The following GTF2A1 variants were observed in gnomAD, a reference collection of about 807,000 sequenced individuals.
GTF2A1 encodes transcription initiation factor IIA subunit 1.
A neutral mutation model predicts 54.1 loss-of-function variants in GTF2A1; 12 were observed. The observed-to-expected ratio is 0.22, with a 90% CI of 0.14 to 0.36. The LOEUF is 0.36. GTF2A1 is among the 10% of genes least tolerant of loss of function. GTF2A1 has a pLI of 1.00. For synonymous variants in GTF2A1, 145 were observed against 152.0 expected, an observed-to-expected ratio of 0.95 and a Z score of 0.34; for missense variants, 335 against 442.2, an observed-to-expected ratio of 0.76 and a Z score of 2.17.
chr14:81,221,139 C>T (rs1050736674), upstream of GTF2A1: 5 of 152,292 alleles, frequency 3.3e-5, no homozygotes, highest in Non-Finnish European at 5.9e-5. Flanking sequence ...GTAGTGAAAT[C>T]GGACCTACGC....
intron 8 of GTF2A1, 97 bp from the exon 9 acceptor site, chr14:81,180,427 AC>A (rs967931848): frequency 1.3e-5 from 8 of 630,136 alleles, no homozygotes; most frequent in South Asian, 3.8e-5. Flanking sequence ...GTACACACAC[AC>A]CCCCCCACAA....
At chr14:81,182,610 C>T (rs1393205809) in intron 8 of GTF2A1, among the ~76,000 whole-genome samples, 1 of 152,002 alleles carries the variant, frequency 6.6e-6, no homozygotes, top group Non-Finnish European at 1.5e-5. Context: ...TTATAATATC[C>T]CCCTAAATAG....
chr14:81,194,921 TC>T (rs1892956860), intron 6 of GTF2A1, among the ~76,000 whole-genome samples: 1 of 152,026 alleles, frequency 6.6e-6, no homozygotes, highest in Non-Finnish European at 1.5e-5. Flanking sequence ...AGCGGGCAGA[TC>T]ACCTGAAGTC....
At chr14:81,186,792 T>TA (rs1391709595) in intron 7 of GTF2A1, among the ~76,000 whole-genome samples, 2 of 151,404 alleles carry the variant, frequency 1.3e-5, no homozygotes, top group Non-Finnish European at 2.9e-5. Flanking sequence ...CTACAAAAAA[T>TA]AAAAAAAATT....
At chr14:81,201,561 C>G (rs747547438) in intron 4 of GTF2A1, 33 bp downstream of exon 4, 1 of 1,274,894 alleles carries the variant, frequency 7.8e-7, no homozygotes, top group African/African-American at 1.5e-5. Context: ...GAATTAAGTA[C>G]AGCCAATCAA....
At chr14:81,195,356 G>A (rs148832683) in intron 6 of GTF2A1, among the ~76,000 whole-genome samples, 4,547 of 150,012 alleles carry the variant, frequency 0.03, 97 homozygotes, top group East Asian at 0.053. Context: ...AAAAAAGGCC[G>A]GGCGCAGTGG....
chr14:81,209,843 TA>T, intron 2 of GTF2A1: 1 of 1,018,778 alleles, frequency 9.8e-7, no homozygotes. Flanking sequence ...CCTCCATGCA[TA>T]AAAGACATTT....
At chr14:81,202,765 T>C in intron 3 of GTF2A1, 1 of 518,328 alleles carries the variant, frequency 1.9e-6, no homozygotes, top group Non-Finnish European at 3.8e-6. Flanking sequence ...GTGAAGAAAA[T>C]CAAATTTTAA....
In GTF2A1 at chr14:81,176,516, T is replaced by C. The variant is rs966719107; in HGVS notation, c.*3707A>G. On this transcript the variant is annotated 3_prime_UTR_variant, in exon 9 of 9. Transcript: ENST00000553612. ...CTTCCCTTAAAAGAGAAAAGTTTTT[T>C]TGTTCCTCAAAATAAACAAAAATGT... 2 of 152,174 alleles carry C rather than the reference T, an allele frequency of 1.3e-5. No homozygotes were observed. The highest frequency in any genetic ancestry group is 2.9e-5 in the Non-Finnish European group (2 of 68,006). 9.4% of individuals were successfully genotyped at this position (152,174 alleles called of 1,614,324 possible).
intron 7 of GTF2A1, among the ~76,000 whole-genome samples, chr14:81,190,116 A>G (rs1892843893): frequency 6.6e-6 from 1 of 152,182 alleles, no homozygotes. Flanking sequence ...TTGAAAATTT[A>G]GATAAATATA....
intron 8 of GTF2A1, 132 bp downstream of exon 8, chr14:81,185,398 GT>G (rs3214570): frequency 0.062 from 32,913 of 527,540 alleles, 2,769 homozygotes; most frequent in African/African-American, 0.3. Flanking sequence ...CTCTAACAGG[GT>G]TTTCGTACTA....
intron 1 of GTF2A1, among the ~76,000 whole-genome samples, chr14:81,219,334 C>A (rs1347804211): frequency 6.6e-6 from 1 of 152,220 alleles, no homozygotes; most frequent in African/African-American, 2.4e-5. Context: ...CGGGAGCACG[C>A]ACCTCCCAGC....
chr14:81,213,507 C>T (rs1337998368), intron 2 of GTF2A1, among the ~76,000 whole-genome samples: 1 of 152,112 alleles, frequency 6.6e-6, no homozygotes, highest in Non-Finnish European at 1.5e-5. Context: ...CCTAAAAATG[C>T]TGCATCTTCT....
Position 81,192,742 on chromosome 14 carries a change from G to C in GTF2A1, c.710C>G (p.Pro237Arg), listed in dbSNP as rs1232874185. The change falls in exon 7 of 9, where the codon CCT becomes CGT. Residue 237 changes from proline to arginine, a missense_variant. Pro to Arg is a moderately radical substitution (Grantham distance 103, BLOSUM62 -2). Around this residue, in one of 2 missense-constraint regions of GTF2A1, gnomAD observed 306 missense variants for 360.4 expected, o/e 0.85. Coordinates refer to ENST00000553612, the MANE Select transcript of GTF2A1 (RefSeq NM_015859.4). ...TGGTGTAGGTGCTGCCACTGTCGTA[G>C]GTATAACTTGAGTCTTATTTCCTGT... ...LFTGNKTQVI[P>R]TTVAAPTPAQ... is the part of the protein sequence containing the mutation. The C allele has an allele frequency of 4.3e-6, 7 of 1,613,422 alleles. No individual in the cohort carries two copies. The highest frequency in any genetic ancestry group is 4.0e-5 in the African/African-American group (3 of 74,916).
At chr14:81,189,020 A>G (rs368850935) in intron 7 of GTF2A1, among the ~76,000 whole-genome samples, 1 of 152,212 alleles carries the variant, frequency 6.6e-6, no homozygotes, top group African/African-American at 2.4e-5. Context: ...GTTTTGCAAC[A>G]AATAGCATAA....
intron 2 of GTF2A1, among the ~76,000 whole-genome samples, chr14:81,214,641 G>A (rs1239232535): frequency 2.8e-5 from 4 of 145,038 alleles, no homozygotes; most frequent in Admixed American, 6.9e-5. Context: ...GCGAAACTCC[G>A]TCTCAAAAAA....
chr14:81,210,452 G>A (rs1893338560), intron 2 of GTF2A1, among the ~76,000 whole-genome samples: 1 of 151,870 alleles, frequency 6.6e-6, no homozygotes, highest in Non-Finnish European at 1.5e-5. Context: ...AGATCACGAG[G>A]GCAGGAGTTC....
chr14:81,215,561 A>T (rs555093740), intron 2 of GTF2A1, among the ~76,000 whole-genome samples: 1 of 152,354 alleles, frequency 6.6e-6, no homozygotes, highest in South Asian at 2.1e-4. Flanking sequence ...AATAAAAAAA[A>T]TCTAAATATT....
At chr14:81,184,097 A>C (rs771023858) in intron 8 of GTF2A1, among the ~76,000 whole-genome samples, 1 of 152,248 alleles carries the variant, frequency 6.6e-6, no homozygotes, top group Non-Finnish European at 1.5e-5. Context: ...ACAGTAAAGT[A>C]ATGTCTCTGG....
Sources: allele counts gnomAD v4.1 joint callset (sites outside exome capture counted in the v4.1 genomes callset), GRCh38; gene constraint gnomAD v4.1.1; regional missense constraint gnomAD v4.1.1; transcripts MANE v1.5; gene names NCBI Gene and HGNC (gene_info 2026-07-23, HGNC 2026-07-21).